Variants in MECOM observed in about 807,000 individuals in gnomAD.
MECOM encodes the protein MDS1 and EVI1 complex locus, also known as histone-lysine N-methyltransferase MECOM.
A neutral mutation model predicts 116.3 loss-of-function variants in MECOM; 13 were observed. The observed-to-expected ratio is 0.11, with a 90% CI of 0.07 to 0.18. The LOEUF (loss-of-function observed/expected upper bound fraction) is 0.18. MECOM is among the 10% of genes least tolerant of loss of function. The pLI is 1.00. For missense variants in MECOM, 1,299 were observed against 1,509.0 expected (o/e 0.86, Z 2.31); for synonymous variants, 528 against 535.2 (o/e 0.99, Z 0.19).
intron 12 of MECOM, among the ~76,000 whole-genome samples, chr3:169,100,048 T>C (rs2901380): frequency 0.95 from 142,278 of 149,130 alleles, 67,924 homozygotes; most frequent in East Asian, 0.99. Context: ...TCTTCTCCCC[T>C]GACTTCCCAG....
chr3:169,570,556 A>G (rs1763770385), intron 1 of MECOM, among the ~76,000 whole-genome samples: 1 of 152,212 alleles, frequency 6.6e-6, no homozygotes, highest in Non-Finnish European at 1.5e-5. Flanking sequence ...TTTCAGGCCA[A>G]TATCCCTGAT....
chr3:169,126,025 T>C (rs6804402), intron 5 of MECOM, among the ~76,000 whole-genome samples: 81,686 of 151,974 alleles, frequency 0.54, 23,120 homozygotes, highest in Admixed American at 0.66. Context: ...AAAATACCAG[T>C]TGGAGGATTA....
chr3:169,276,633 G>C (rs1560077826), intron 2 of MECOM, among the ~76,000 whole-genome samples: 1 of 150,476 alleles, frequency 6.6e-6, no homozygotes, highest in Non-Finnish European at 1.5e-5. Context: ...ATCTATGTCT[G>C]CTCCCTCTCC....
At chr3:169,502,673 A>C (rs1275974397) in intron 1 of MECOM, among the ~76,000 whole-genome samples, 2 of 152,156 alleles carry the variant, frequency 1.3e-5, no homozygotes, top group Non-Finnish European at 2.9e-5. Flanking sequence ...CACTTTTTAA[A>C]TATAGAGCTT....
At chr3:169,321,705 C>G (rs945065825) in intron 2 of MECOM, among the ~76,000 whole-genome samples, 19 of 151,958 alleles carry the variant, frequency 1.3e-4, no homozygotes, top group African/African-American at 4.1e-4. Flanking sequence ...GTGGGACAAG[C>G]GTGGTCAGGG....
At chr3:169,264,295 G>T (rs970782135) in intron 2 of MECOM, among the ~76,000 whole-genome samples, 1 of 152,184 alleles carries the variant, frequency 6.6e-6, no homozygotes, top group Non-Finnish European at 1.5e-5. Flanking sequence ...ATGGGAGGCT[G>T]AGAGACAGAT....
At chr3:169,396,304 G>A (rs760998674) in intron 1 of MECOM, among the ~76,000 whole-genome samples, 9 of 152,104 alleles carry the variant, frequency 5.9e-5, no homozygotes, top group African/African-American at 7.2e-5. Flanking sequence ...ATGTATTTGA[G>A]CCTCAGTTTC....
chr3:169,306,198 G>T (rs1717668207), intron 2 of MECOM, among the ~76,000 whole-genome samples: 1 of 151,994 alleles, frequency 6.6e-6, no homozygotes, highest in Non-Finnish European at 1.5e-5. Flanking sequence ...TATAATTATA[G>T]CTGAATATTA....
chr3:169,624,939 C>T (rs750673672), intron 1 of MECOM, among the ~76,000 whole-genome samples: 2 of 150,880 alleles, frequency 1.3e-5, no homozygotes, highest in Non-Finnish European at 2.9e-5. Flanking sequence ...TTGTCACTGA[C>T]AAGGAATTTC....
chr3:169,109,151 C>T (rs952548131), intron 9 of MECOM, among the ~76,000 whole-genome samples: 1 of 152,126 alleles, frequency 6.6e-6, no homozygotes, highest in Non-Finnish European at 1.5e-5. Context: ...AATAACATTC[C>T]CTGCATCTTA....
At chr3:169,438,177 A>C (rs556789262) in intron 1 of MECOM, among the ~76,000 whole-genome samples, 1 of 152,322 alleles carries the variant, frequency 6.6e-6, no homozygotes, top group African/African-American at 2.4e-5. Flanking sequence ...TTATCCCTAA[A>C]CTATACACCT....
At chr3:169,626,789 A>G (rs1771428965) in intron 1 of MECOM, among the ~76,000 whole-genome samples, 1 of 151,914 alleles carries the variant, frequency 6.6e-6, no homozygotes, top group South Asian at 2.1e-4. Context: ...CTGCTCCTTG[A>G]CAATTCCATG....
chr3:169,487,393 G>A (rs1441370568), intron 1 of MECOM, among the ~76,000 whole-genome samples: 1 of 151,134 alleles, frequency 6.6e-6, no homozygotes, highest in Non-Finnish European at 1.5e-5. Context: ...CAGGGGAGGG[G>A]GACAATCTGA....
intron 1 of MECOM, among the ~76,000 whole-genome samples, chr3:169,628,925 A>G (rs553666922): frequency 1.3e-4 from 20 of 152,084 alleles, no homozygotes; most frequent in African/African-American, 4.1e-4. Context: ...ATTTTTGGCC[A>G]CTCCACTTTA....
At chr3:169,277,381 C>T (rs112862242) in intron 2 of MECOM, among the ~76,000 whole-genome samples, 3 of 152,278 alleles carry the variant, frequency 2.0e-5, no homozygotes, top group African/African-American at 7.2e-5. Flanking sequence ...GTCGAATGAG[C>T]ATAAACTGTC....
At chr3:169,218,985 C>T (rs997335925) in intron 2 of MECOM, among the ~76,000 whole-genome samples, 9 of 151,996 alleles carry the variant, frequency 5.9e-5, no homozygotes, top group Admixed American at 3.3e-4. Flanking sequence ...GTCTCCTGAG[C>T]TATGTCATGA....
rs1182284031 is a variant in MECOM, at chr3:169,115,833, C to T, written c.2039G>A (p.Gly680Glu). 6.2e-7 allele frequency: 1 copy of T among 1,613,846 alleles called. No homozygotes were observed. Among genetic ancestry groups the T allele is most frequent in the Non-Finnish European group, 8.5e-7 (1 of 1,180,018 alleles). The change falls in exon 8 of 17, where the codon GGG (glycine) becomes GAG (glutamate). Residue 680 changes from glycine (G) to glutamate (E), a missense_variant. Physicochemically the swap from Gly to Glu is moderately conservative, Grantham distance 98. Around this residue, in one of 6 missense-constraint regions of MECOM, gnomAD observed 340 missense variants for 312.6 expected, o/e 1.09. Transcript: ENST00000651503. ...AGCTCCAACTTTTTTGTCTTGCAGC[C>T]CCACCAGTCCTGTTGAACCAAAGTA... ...EKYFGSTGLVGLQDKKVGALP... is the reference protein window; with the variant it reads ...EKYFGSTGLVELQDKKVGALP...
intron 1 of MECOM, among the ~76,000 whole-genome samples, chr3:169,539,589 G>A (rs1380353700): frequency 6.6e-6 from 1 of 152,088 alleles, no homozygotes; most frequent in Non-Finnish European, 1.5e-5. Flanking sequence ...CCCTAAATAT[G>A]TTGTGAATTC....
At chr3:169,106,856 C>T (rs1175901868) in intron 10 of MECOM, among the ~76,000 whole-genome samples, 4 of 152,118 alleles carry the variant, frequency 2.6e-5, no homozygotes, top group Non-Finnish European at 4.4e-5. Flanking sequence ...CAGAAAACAA[C>T]CCCATCTATT....
Sources: gnomAD v4.1 joint callset for allele counts (sites outside exome capture counted in the v4.1 genomes callset) on GRCh38, gnomAD v4.1.1 for gene constraint, gnomAD v4.1.1 regional missense constraint, MANE v1.5 for transcripts, NCBI Gene and HGNC (gene_info 2026-07-23, HGNC 2026-07-21) for gene names.